Variants in HELQ observed in about 807,000 individuals in gnomAD.
HELQ encodes helicase, POLQ like.
HELQ carries 77 observed loss-of-function variants against 111.6 expected under a neutral mutation model. That is an observed-to-expected ratio of 0.69 (90% CI 0.57 to 0.83). The LOEUF is 0.83. Ranked by LOEUF, HELQ falls within the 40% of genes least tolerant of loss-of-function variation. The pLI, the probability that HELQ is intolerant of heterozygous loss-of-function variation, is 0.00. For synonymous variants in HELQ, 438 were observed against 454.7 expected (o/e 0.96, Z 0.47); for missense variants, 1,200 against 1,288.5 (o/e 0.93, Z 1.05).
chr4:83,454,745 CT>C (rs1301408963), intron 1 of HELQ, among the ~76,000 whole-genome samples: 2 of 152,024 alleles, frequency 1.3e-5, no homozygotes, highest in Admixed American at 6.6e-5. Context: ...ATTCTTAAAG[CT>C]GTACTAAAAC....
intron 9 of HELQ, among the ~76,000 whole-genome samples, chr4:83,435,149 C>T (rs765541575): frequency 2.8e-4 from 42 of 152,040 alleles, no homozygotes; most frequent in Non-Finnish European, 5.9e-5. Flanking sequence ...TTATTTAGTG[C>T]CTCAGTTTCC....
Position 83,455,405 on chromosome 4 carries a change from C to G in HELQ, c.289G>C (p.Gly97Arg). 1.9e-6 allele frequency: 3 copies of G among 1,611,660 alleles called. No homozygotes were observed. The highest frequency in any genetic ancestry group is 2.5e-6 in the Non-Finnish European group (3 of 1,177,890). Residue 97 changes from glycine (G) to arginine (R), a missense_variant, in exon 1 of 18, where the codon GGA (glycine) becomes CGA (arginine). By Grantham distance (125) the Gly-to-Arg change is moderately radical. Transcript: ENST00000295488. ...LRHMPTDRGV[G>R]DQPNDSEVDM... ...TTCCAAGTCCTCCGTACCTGGTCTC[C>G]CACCCCTCTGTCAGTGGGCATGTGA...
rs1450269831 is a variant in HELQ at position 83,453,363 on chromosome 4, G to T, written c.880C>A (p.Leu294Ile). ...GCAACATTAATTTCCTCAGATAGGA[G>T]AGTGTCTTTGAGCTGTTTACTTCTA... ...FSRSKQLKDT[L>I]LSEEINVAKK... Residue 294 changes from leucine to isoleucine, a missense_variant, in exon 2 of 18, where the codon CTC becomes ATC. By Grantham distance (5) the Leu-to-Ile change is conservative (BLOSUM62 2). Transcript: ENST00000295488. The T allele has an allele frequency of 2.5e-6, 4 of 1,612,232 alleles. No individual in the cohort carries two copies. The highest frequency in any genetic ancestry group is 3.3e-4 in the Middle Eastern group (2 of 6,058).
At chr4:83,452,153 G>A (rs1282410599) in intron 2 of HELQ, among the ~76,000 whole-genome samples, 1 of 152,132 alleles carries the variant, frequency 6.6e-6, no homozygotes, top group Non-Finnish European at 1.5e-5. Flanking sequence ...CTTAAAACAA[G>A]TTTGTCCAAC....
At chr4:83,453,147 T>C (rs1399056420) in intron 2 of HELQ, 84 bp downstream of exon 2, 3 of 747,462 alleles carry the variant, frequency 4.0e-6, no homozygotes, top group East Asian at 2.6e-5. Flanking sequence ...GTATGGACCA[T>C]GAAAGCATTT....
chr4:83,453,794 G>C lies in HELQ; in HGVS notation c.449C>G (p.Ser150Trp), dbSNP rs375866966. 103 of 1,613,876 alleles carry C rather than the reference G, an allele frequency of 6.4e-5. No homozygotes were observed. The highest frequency in any genetic ancestry group is 8.3e-5 in the Non-Finnish European group (98 of 1,179,996). The stretch of plus-strand genomic sequence containing the variant: ...GCTGAGTTTGTTTTTGATACTTTCC[G>C]AGCAAAGATTTTCAGTGGCAAAGTC... ...ATDFATENLC[S>W]ESIKNKLSIT... is the part of the protein sequence containing the mutation. Residue 150 changes from serine to tryptophan, a missense_variant, in exon 2 of 18, where the codon TCG (serine) becomes TGG (tryptophan). Physicochemically the swap from Ser to Trp is radical, Grantham distance 177. Around this residue, in one of 3 missense-constraint regions of HELQ, gnomAD observed 610 missense variants for 607.1 expected, o/e 1.00. Transcript: ENST00000295488.
In HELQ at chr4:83,453,889, G is replaced by A. The variant is rs1721552005; in HGVS notation, c.354C>T (p.Ser118=). Residue 118 remains serine, a synonymous_variant, in exon 2 of 18, where the codon TCC becomes TCT. Transcript: ENST00000295488. ...CCAGGTCGTCAACTTGAGCTATAAA[G>A]GAGTTTTCAGTAAAGCTATCATAGT... The part of the protein sequence containing the change: ...FGDYDSFTEN[S]FIAQVDDLEQ... 1 of 1,613,846 alleles carries A rather than the reference G, an allele frequency of 6.2e-7. No homozygotes were observed. The highest frequency in any genetic ancestry group is 1.3e-5 in the African/African-American group (1 of 74,882).
At chr4:83,429,482 A>G (rs1720027106) in intron 12 of HELQ, 42 bp downstream of exon 12, 2 of 1,340,672 alleles carry the variant, frequency 1.5e-6, no homozygotes, top group Non-Finnish European at 2.1e-6. Context: ...CATTTTTTCC[A>G]ATGTGTTTCC....
intron 15 of HELQ, among the ~76,000 whole-genome samples, chr4:83,420,404 T>C (rs896799618): frequency 4.6e-5 from 7 of 152,030 alleles, no homozygotes; most frequent in Non-Finnish European, 7.4e-5. Flanking sequence ...AAGGGCAACC[T>C]GGAGGATCGC....
chr4:83,431,715 C>A lies in HELQ; in HGVS notation c.2244G>T (p.Gln748His). The A allele has an allele frequency of 1.3e-6, 2 of 1,558,408 alleles. No homozygotes were observed. The highest frequency in any genetic ancestry group is 1.8e-5 in the Admixed American group (1 of 54,414). Residue 748 changes from glutamine to histidine, a missense_variant, in exon 11 of 18, where the codon CAG becomes CAT. Transcript: ENST00000295488. ...ATGTTTGGATTCCCTTGGTGAATTC[C>A]TGAACAAGATGGCTGTAACAGTTTT... ...PLENCYSHLV[Q>H]EFTKGIQTLF...
At chr4:83,443,307 G>T (rs1427133227) in intron 6 of HELQ, among the ~76,000 whole-genome samples, 5 of 152,122 alleles carry the variant, frequency 3.3e-5, no homozygotes, top group African/African-American at 1.2e-4. Context: ...CCAGGCTATA[G>T]ATACATTAGT....
rs184127519 is a variant in HELQ, at chr4:83,407,405, C to T, written c.*48G>A. ...AAAGTATAAGTTATCTTTAATAACA[C>T]ACATGTACAATAAATAATTCATATA... On this transcript the variant is annotated 3_prime_UTR_variant, in exon 18 of 18. Coordinates refer to ENST00000295488, the MANE Select transcript of HELQ (RefSeq NM_133636.5). 4 of 1,155,956 alleles carry T rather than the reference C, an allele frequency of 3.5e-6. No homozygotes were observed. The highest frequency in any genetic ancestry group is 3.2e-5 in the African/African-American group (2 of 62,962). The allele number at this position is 1,155,956 out of a possible 1,614,324, so 71.6% of individuals were successfully genotyped here. A position where few individuals can be genotyped will look rare whatever the true frequency, so the allele number is the denominator to read the frequency against.
chr4:83,407,445 A>G lies in HELQ; in HGVS notation c.*8T>C. On this transcript the variant is annotated 3_prime_UTR_variant, in exon 18 of 18. Coordinates refer to ENST00000295488, the MANE Select transcript of HELQ (RefSeq NM_133636.5). ...TAATTCATATATGAAAATTCTCATCAGATAGCTTCATGCTTTGTCAGTGGA... is the reference window on the plus strand; with the variant it reads ...TAATTCATATATGAAAATTCTCATCGGATAGCTTCATGCTTTGTCAGTGGA... 4 of 1,550,508 alleles carry G rather than the reference A, an allele frequency of 2.6e-6. No homozygotes were observed. Among genetic ancestry groups the G allele is most frequent in the Non-Finnish European group, 3.5e-6 (4 of 1,139,280 alleles).
intron 9 of HELQ, among the ~76,000 whole-genome samples, chr4:83,435,881 CTT>C (rs1433964997): frequency 7.3e-5 from 11 of 151,626 alleles, no homozygotes; most frequent in Admixed American, 2.6e-4. Flanking sequence ...GGATATATAA[CTT>C]TCATTTTTTT....
chr4:83,412,024 T>C (rs1455635533), intron 17 of HELQ, among the ~76,000 whole-genome samples: 1 of 152,192 alleles, frequency 6.6e-6, no homozygotes, highest in Non-Finnish European at 1.5e-5. Context: ...CATGGGTTTA[T>C]TGCTTATGGA....
At chr4:83,443,822 A>T (rs1010375189) in intron 5 of HELQ, among the ~76,000 whole-genome samples, 1 of 152,148 alleles carries the variant, frequency 6.6e-6, no homozygotes, top group Non-Finnish European at 1.5e-5. Context: ...AGGTGGGAAG[A>T]TCGCTTGAGG....
intron 9 of HELQ, among the ~76,000 whole-genome samples, chr4:83,434,674 G>T (rs1720351497): frequency 6.6e-6 from 1 of 151,810 alleles, no homozygotes; most frequent in South Asian, 2.1e-4. Flanking sequence ...ATGTTGTCCA[G>T]ACTGGTCTCA....
chr4:83,422,573 C>T (rs1196596497), intron 14 of HELQ, among the ~76,000 whole-genome samples: 3 of 152,144 alleles, frequency 2.0e-5, no homozygotes, highest in Non-Finnish European at 2.9e-5. Flanking sequence ...CCAAGGAACA[C>T]CAAGGACTGC....
chr4:83,450,132 T>C (rs1721270703), intron 2 of HELQ, among the ~76,000 whole-genome samples: 1 of 144,790 alleles, frequency 6.9e-6, no homozygotes, highest in African/African-American at 2.5e-5. Flanking sequence ...AAAGGCCGAA[T>C]GAATTATTGT....
Sources: gnomAD v4.1 joint callset for allele counts (sites outside exome capture counted in the v4.1 genomes callset) on GRCh38, gnomAD v4.1.1 for gene constraint, gnomAD v4.1.1 regional missense constraint, MANE v1.5 for transcripts, NCBI Gene and HGNC (gene_info 2026-07-23, HGNC 2026-07-21) for gene names.